GPC6: variants seen among roughly 807,000 people sequenced by gnomAD.
The protein encoded by GPC6 is glypican 6.
GPC6 carries 14 observed loss-of-function variants against 55.2 expected under a neutral mutation model. The observed-to-expected ratio is 0.25, with a 90% CI of 0.17 to 0.40. The LOEUF (loss-of-function observed/expected upper bound fraction) is 0.40. Ranked by LOEUF, GPC6 falls within the 10% of genes least tolerant of loss-of-function variation. GPC6 has a pLI of 1.00. For synonymous variants in GPC6, 278 were observed against 259.6 expected, an observed-to-expected ratio of 1.07 and a Z score of -0.68; for missense variants, 641 against 708.5, an observed-to-expected ratio of 0.90 and a Z score of 1.08.
At chr13:94,337,039 G>A (rs1877742445) in intron 6 of GPC6, among the ~76,000 whole-genome samples, 1 of 152,206 alleles carries the variant, frequency 6.6e-6, no homozygotes, top group Admixed American at 6.5e-5. Flanking sequence ...CCACAAGGAG[G>A]AAAGAATTTT....
At chr13:93,487,952 A>G (rs941002406) in intron 1 of GPC6, among the ~76,000 whole-genome samples, 4 of 152,138 alleles carry the variant, frequency 2.6e-5, no homozygotes, top group Admixed American at 6.5e-5. Context: ...TATAACATAT[A>G]TATTATTTAT....
intron 4 of GPC6, among the ~76,000 whole-genome samples, chr13:94,178,920 A>G (rs1888889236): frequency 6.6e-6 from 1 of 152,206 alleles, no homozygotes; most frequent in African/African-American, 2.4e-5. Flanking sequence ...ACATCAGCTA[A>G]GCACTTTTCA....
At chr13:93,726,231 C>T (rs1048528648) in intron 2 of GPC6, among the ~76,000 whole-genome samples, 1 of 151,496 alleles carries the variant, frequency 6.6e-6, no homozygotes, top group Non-Finnish European at 1.5e-5. Context: ...ATTCGTGTAT[C>T]GAACATGGTG....
At chr13:93,498,473 G>A in intron 1 of GPC6, among the ~76,000 whole-genome samples, 1 of 152,148 alleles carries the variant, frequency 6.6e-6, no homozygotes, top group Admixed American at 6.5e-5. Flanking sequence ...AACTTGAATT[G>A]TGTCTCCCAG....
chr13:93,786,258 C>G (rs1257701925), intron 2 of GPC6, among the ~76,000 whole-genome samples: 1 of 152,128 alleles, frequency 6.6e-6, no homozygotes, highest in East Asian at 1.9e-4. Context: ...ACACTGTCCA[C>G]TGGAACTTCC....
chr13:93,425,411 G>T (rs1366526100), intron 1 of GPC6, among the ~76,000 whole-genome samples: 2 of 145,474 alleles, frequency 1.4e-5, no homozygotes, highest in Non-Finnish European at 3.1e-5. Flanking sequence ...TGAGTTCATT[G>T]TACACCAACC....
chr13:93,693,232 A>G (rs953393724), intron 2 of GPC6, among the ~76,000 whole-genome samples: 2 of 152,156 alleles, frequency 1.3e-5, no homozygotes, highest in Non-Finnish European at 2.9e-5. Context: ...ATTAACTTAC[A>G]TAAGTCTTAG....
intron 2 of GPC6, among the ~76,000 whole-genome samples, chr13:93,794,464 C>T (rs1482080770): frequency 6.6e-6 from 1 of 152,222 alleles, no homozygotes; most frequent in Admixed American, 6.5e-5. Context: ...CACTCTCTCA[C>T]TTAAATGACT....
At chr13:94,299,536 G>T (rs1875527962) in intron 5 of GPC6, among the ~76,000 whole-genome samples, 2 of 152,318 alleles carry the variant, frequency 1.3e-5, no homozygotes, top group Admixed American at 1.3e-4. Flanking sequence ...AGCCCTCATG[G>T]GCTGGATTAG....
intron 6 of GPC6, among the ~76,000 whole-genome samples, chr13:94,332,683 A>G (rs1177043878): frequency 1.3e-5 from 2 of 152,226 alleles, no homozygotes; most frequent in African/African-American, 4.8e-5. Context: ...GTTGTGTCGA[A>G]TTGTTGCAAG....
chr13:93,991,485 T>G (rs1026330033), intron 3 of GPC6, among the ~76,000 whole-genome samples: 5 of 152,200 alleles, frequency 3.3e-5, no homozygotes, highest in Non-Finnish European at 2.9e-5. Context: ...TACAACTTTA[T>G]GAAGCTTCTT....
chr13:94,166,832 T>G (rs980459983), intron 4 of GPC6, among the ~76,000 whole-genome samples: 12 of 152,230 alleles, frequency 7.9e-5, no homozygotes, highest in African/African-American at 2.9e-4. Context: ...TCATCAAATA[T>G]GTATTTAGTC....
intron 6 of GPC6, among the ~76,000 whole-genome samples, chr13:94,367,130 CT>C (rs1218076113): frequency 6.6e-6 from 1 of 152,204 alleles, no homozygotes; most frequent in Non-Finnish European, 1.5e-5. Context: ...CTAAATGAGC[CT>C]GTCAAGAATG....
intron 1 of GPC6, among the ~76,000 whole-genome samples, chr13:93,319,321 G>A (rs1304482328): frequency 6.6e-6 from 1 of 151,976 alleles, no homozygotes; most frequent in Non-Finnish European, 1.5e-5. Flanking sequence ...AGTGTGCTCT[G>A]ACAAGAAATA....
At chr13:93,603,887 C>G (rs1878127857) in intron 2 of GPC6, among the ~76,000 whole-genome samples, 1 of 152,130 alleles carries the variant, frequency 6.6e-6, no homozygotes. Context: ...TCTATGTACT[C>G]TGATTAGAAC....
chr13:93,426,717 T>G (rs1408182908), intron 1 of GPC6, among the ~76,000 whole-genome samples: 1 of 152,156 alleles, frequency 6.6e-6, no homozygotes, highest in Non-Finnish European at 1.5e-5. Context: ...TGTGTCTTTA[T>G]AGCAGCATGA....
intron 1 of GPC6, among the ~76,000 whole-genome samples, chr13:93,419,766 T>A (rs984851049): frequency 6.6e-6 from 1 of 152,128 alleles, no homozygotes; most frequent in African/African-American, 2.4e-5. Context: ...CCTTTTATTG[T>A]GTTTATGAAC....
At chr13:94,197,120 T>C (rs539917709) in intron 4 of GPC6, among the ~76,000 whole-genome samples, 1 of 152,252 alleles carries the variant, frequency 6.6e-6, no homozygotes, top group Admixed American at 6.5e-5. Flanking sequence ...CTGCTAGGAC[T>C]GTAGGGAAGA....
At chr13:94,026,478 A>T (rs569362348) in intron 3 of GPC6, among the ~76,000 whole-genome samples, 1 of 152,056 alleles carries the variant, frequency 6.6e-6, no homozygotes, top group Middle Eastern at 3.4e-3. Context: ...TTTTCCTCAG[A>T]TCTAGAATGC....
Sources: gnomAD v4.1 joint callset for allele counts (sites outside exome capture counted in the v4.1 genomes callset) on GRCh38, gnomAD v4.1.1 for gene constraint, MANE v1.5 for transcripts, NCBI Gene and HGNC (gene_info 2026-07-23, HGNC 2026-07-21) for gene names.